GPR158: variants seen among roughly 807,000 people sequenced by gnomAD.
GPR158 encodes G protein-coupled receptor 158.
A neutral mutation model predicts 78.2 loss-of-function variants in GPR158; 30 were observed. That is an observed-to-expected ratio of 0.38 (90% CI 0.29 to 0.52). GPR158 has a LOEUF of 0.52. Among genes scored for constraint, GPR158 ranks in the 20% least tolerant of loss-of-function variants. The pLI, the probability that GPR158 is intolerant of heterozygous loss-of-function variation, is 0.83. For missense variants in GPR158, 1,463 were observed against 1,523.5 expected (o/e 0.96, Z 0.66); for synonymous variants, 581 against 591.1 (o/e 0.98, Z 0.25).
intron 2 of GPR158, among the ~76,000 whole-genome samples, chr10:25,297,030 A>G (rs1251418792): frequency 6.6e-6 from 1 of 152,236 alleles, no homozygotes; most frequent in Non-Finnish European, 1.5e-5. Flanking sequence ...GTGTCCTGCA[A>G]CAGGGGCTTA....
At chr10:25,405,669 A>G (rs996084397) in intron 3 of GPR158, among the ~76,000 whole-genome samples, 2 of 151,900 alleles carry the variant, frequency 1.3e-5, no homozygotes, top group Middle Eastern at 3.2e-3. Context: ...ATGATCAACA[A>G]AACAAAGAGT....
intron 2 of GPR158, among the ~76,000 whole-genome samples, chr10:25,327,401 A>G (rs1855051713): frequency 1.3e-5 from 2 of 152,176 alleles, no homozygotes; most frequent in African/African-American, 4.8e-5. Context: ...ACAAATGGCA[A>G]ATTTATTGCT....
At chr10:25,450,285 C>CCTGG (rs1322918079) in intron 4 of GPR158, among the ~76,000 whole-genome samples, 2 of 151,636 alleles carry the variant, frequency 1.3e-5, no homozygotes, top group Admixed American at 1.3e-4. Flanking sequence ...ATGGGGGACC[C>CCTGG]AAGGCTGGAA....
rs1554787300 is a variant in GPR158, at chr10:25,241,372, C to CTCTTCTCT, written c.1008+20218_1008+20219insTCTCTTCT. On this transcript the variant is annotated intron_variant, in intron 2 of 10. Transcript: ENST00000376351. ...TCTCTTTTCTTTTCTCTTTTCTTTT[C>CTCTTCTCT]TCTCTTCTCTTCTCTTCTCTTCTCT... 2.2e-3 allele frequency among the ~76,000 whole-genome samples: 223 copies of CTCTTCTCT among 102,890 alleles called. 5 individuals are homozygous for CTCTTCTCT. Among genetic ancestry groups the CTCTTCTCT allele is most frequent in the African/African-American group, 7.7e-3 (139 of 18,056 alleles). The allele number at this position is 102,890 out of a possible 152,430, so 67.5% of individuals were successfully genotyped here.
intron 4 of GPR158, among the ~76,000 whole-genome samples, chr10:25,440,404 G>A (rs1819386451): frequency 6.6e-6 from 1 of 152,190 alleles, no homozygotes; most frequent in African/African-American, 2.4e-5. Context: ...CCCATTGATT[G>A]CTGCTTAATG....
chr10:25,491,914 G>A (rs1835815394), intron 5 of GPR158, among the ~76,000 whole-genome samples: 1 of 152,148 alleles, frequency 6.6e-6, no homozygotes, highest in South Asian at 2.1e-4. Context: ...TTGCTATGAA[G>A]AACATCCTTG....
At chr10:25,521,237 C>T (rs1190284645) in intron 5 of GPR158, among the ~76,000 whole-genome samples, 7 of 152,204 alleles carry the variant, frequency 4.6e-5, no homozygotes, top group Admixed American at 6.5e-5. Context: ...GCACGGTGCA[C>T]GCACCCACTG....
chr10:25,317,646 T>C (rs1423361743), intron 2 of GPR158, among the ~76,000 whole-genome samples: 2 of 152,142 alleles, frequency 1.3e-5, no homozygotes, highest in East Asian at 3.8e-4. Flanking sequence ...TATAGTCTTC[T>C]TTTGCTTTGT....
At chr10:25,376,234 T>C (rs1834077929) in intron 2 of GPR158, among the ~76,000 whole-genome samples, 1 of 151,678 alleles carries the variant, frequency 6.6e-6, no homozygotes, top group South Asian at 2.1e-4. Context: ...TTTATAGATA[T>C]AGTTGATTTT....
intron 1 of GPR158, among the ~76,000 whole-genome samples, chr10:25,183,952 A>G (rs1852647843): frequency 1.3e-5 from 2 of 152,354 alleles, no homozygotes; most frequent in South Asian, 2.1e-4. Flanking sequence ...GATGTGTCTT[A>G]CAATTGAGGG....
intron 2 of GPR158, among the ~76,000 whole-genome samples, chr10:25,377,214 G>A (rs1382147333): frequency 1.3e-5 from 2 of 151,378 alleles, no homozygotes; most frequent in Non-Finnish European, 3.0e-5. Flanking sequence ...GTTCTTTTCT[G>A]TATTGTCCAC....
intron 4 of GPR158, among the ~76,000 whole-genome samples, chr10:25,420,647 T>C (rs1277791522): frequency 5.9e-5 from 9 of 151,944 alleles, no homozygotes; most frequent in Admixed American, 5.2e-4. Context: ...ATGTATAGTA[T>C]AAGATCAGAA....
chr10:25,437,941 G>A (rs1394722650), intron 4 of GPR158, among the ~76,000 whole-genome samples: 2 of 152,170 alleles, frequency 1.3e-5, no homozygotes, highest in African/African-American at 4.8e-5. Context: ...AGAATAACAG[G>A]TTGAAAATAC....
At chr10:25,299,375 T>A (rs1186664701) in intron 2 of GPR158, among the ~76,000 whole-genome samples, 1 of 152,216 alleles carries the variant, frequency 6.6e-6, no homozygotes, top group Non-Finnish European at 1.5e-5. Flanking sequence ...GTTTGTACAC[T>A]TTGACCAATA....
At chr10:25,416,759 A>G (rs1240165063) in intron 4 of GPR158, among the ~76,000 whole-genome samples, 2 of 152,332 alleles carry the variant, frequency 1.3e-5, no homozygotes, top group Non-Finnish European at 2.9e-5. Context: ...CCCCTGAGAG[A>G]TTAAGTTTCC....
At chr10:25,389,450 G>A (rs530512193) in intron 2 of GPR158, among the ~76,000 whole-genome samples, 1 of 152,288 alleles carries the variant, frequency 6.6e-6, no homozygotes, top group African/African-American at 2.4e-5. Flanking sequence ...TCTGCTGAGA[G>A]CTGAACACTC....
Position 25,466,641 on chromosome 10 carries a change from G to GT in GPR158, c.1336-4dup, listed in dbSNP as rs559918974. ...AAGTTAGTAATGACGTTTTTATTTT[G>GT]TTTTTTCAGAGCATCCGGGCATCGG... On this transcript the variant is annotated splice_polypyrimidine_tract_variant and intron_variant, in intron 4 of 10. Coordinates refer to ENST00000376351, the MANE Select transcript of GPR158 (RefSeq NM_020752.3). 153 of 1,587,348 alleles carry GT rather than the reference G, an allele frequency of 9.6e-5. 1 individual carries two copies. The highest frequency in any genetic ancestry group is 5.7e-4 in the African/African-American group (42 of 73,860).
chr10:25,245,821 A>G (rs1316905582), intron 2 of GPR158, among the ~76,000 whole-genome samples: 1 of 152,214 alleles, frequency 6.6e-6, no homozygotes, highest in Non-Finnish European at 1.5e-5. Context: ...ATCAATACTT[A>G]ATCTTGAAAA....
chr10:25,271,343 A>G (rs1323880919), intron 2 of GPR158, among the ~76,000 whole-genome samples: 2 of 152,218 alleles, frequency 1.3e-5, no homozygotes, highest in Non-Finnish European at 2.9e-5. Flanking sequence ...CTCTCTCACT[A>G]AACTTTAAGC....
Sources: allele counts gnomAD v4.1 joint callset (sites outside exome capture counted in the v4.1 genomes callset), GRCh38; gene constraint gnomAD v4.1.1; transcripts MANE v1.5; gene names NCBI Gene and HGNC (gene_info 2026-07-23, HGNC 2026-07-21).